CPLANE1: variants seen among roughly 807,000 people sequenced by gnomAD.
CPLANE1 encodes ciliogenesis and planar polarity effector 1.
CPLANE1 carries 263 observed loss-of-function variants against 362.5 expected under a neutral mutation model. The observed-to-expected ratio is 0.73, with a 90% CI of 0.66 to 0.80. The LOEUF (loss-of-function observed/expected upper bound fraction) is 0.80. Ranked by LOEUF, CPLANE1 falls within the 30% of genes least tolerant of loss-of-function variation. The pLI is 0.00. For missense variants in CPLANE1, 3,461 were observed against 3,793.4 expected, an observed-to-expected ratio of 0.91 and a Z score of 2.30; for synonymous variants, 1,212 against 1,302.6, an observed-to-expected ratio of 0.93 and a Z score of 1.50.
In CPLANE1 at chr5:37,245,697, A is replaced by G. The variant is rs1344173539; in HGVS notation, c.217+13T>C. On this transcript the variant is annotated intron_variant, in intron 3 of 52. Coordinates refer to ENST00000651892, the MANE Select transcript of CPLANE1 (RefSeq NM_001384732.1). ...ATAGTTTTAGCCATTTGAAAATATC[A>G]GTACTACTTAACCATTACTGGATGT... 5 of 1,488,938 alleles carry G rather than the reference A, an allele frequency of 3.4e-6. No individual in the cohort carries two copies. The East Asian group carries it at 1.0e-4, about 30-fold the overall frequency. The allele number at this position is 1,488,938 out of a possible 1,614,324, so 92.2% of individuals were successfully genotyped here. A position where few individuals can be genotyped will look rare whatever the true frequency, so the allele number is the denominator to read the frequency against.
the CPLANE1 span, among the ~76,000 whole-genome samples, chr5:37,076,196 G>A: frequency 2.6e-5 from 4 of 151,284 alleles, no homozygotes; most frequent in Non-Finnish European, 5.9e-5. Flanking sequence ...AGAGGCTGCA[G>A]TGGGCAATGA....
chr5:37,165,554 G>T lies in CPLANE1; in HGVS notation c.7518C>A (p.Ile2506=), dbSNP rs778849034. 2 of 1,608,288 alleles carry T rather than the reference G, an allele frequency of 1.2e-6. No homozygotes were observed. The highest frequency in any genetic ancestry group is 1.7e-6 in the Non-Finnish European group (2 of 1,178,626). The change falls in exon 36 of 53, where the codon ATC becomes ATA. Residue 2506 remains isoleucine (I), a synonymous_variant. Coordinates refer to ENST00000651892, the MANE Select transcript of CPLANE1 (RefSeq NM_001384732.1). ...NSIINNDDSE[I]IKKPKEQQEH... ...TTTTCTATACCTTGGGTTTCTTAAT[G>T]ATTTCTGAATCATCATTATTAATTA...
At chr5:37,120,384 A>C (rs755075962) in intron 49 of CPLANE1, 44 bp from the exon 50 acceptor site, 1 of 1,506,554 alleles carries the variant, frequency 6.6e-7, no homozygotes, top group South Asian at 1.3e-5. Flanking sequence ...AGAATCTCAT[A>C]TCAGCGATAA....
At chr5:37,147,955 G>A (rs1362160963) in intron 43 of CPLANE1, among the ~76,000 whole-genome samples, 2 of 113,872 alleles carry the variant, frequency 1.8e-5, no homozygotes, top group African/African-American at 6.7e-5. Context: ...AAATCCAGAG[G>A]AGGTTACTGC....
intron 42 of CPLANE1, among the ~76,000 whole-genome samples, chr5:37,151,437 G>C (rs1049857637): frequency 6.6e-6 from 1 of 152,034 alleles, no homozygotes; most frequent in Non-Finnish European, 1.5e-5. Context: ...TCTTTTATTA[G>C]ATTTTACACT....
chr5:37,141,872 T>C, intron 44 of CPLANE1: 1 of 784,684 alleles, frequency 1.3e-6, no homozygotes, highest in Non-Finnish European at 1.5e-6. Flanking sequence ...GAGATAATAA[T>C]AGTGTCTACA....
At chr5:37,194,768 C>G (rs554106971) in intron 21 of CPLANE1, among the ~76,000 whole-genome samples, 1 of 151,598 alleles carries the variant, frequency 6.6e-6, no homozygotes, top group East Asian at 1.9e-4. Context: ...CTCCTAGGCT[C>G]AAGCAACCTC....
In CPLANE1 at chr5:37,125,240, T is replaced by G. The variant is rs199810663; in HGVS notation, c.8958+4A>C. 5,013 of 1,610,100 alleles carry G rather than the reference T, an allele frequency of 3.1e-3. 12 individuals are homozygous for G. The highest frequency in any genetic ancestry group is 5.8e-3 in the Middle Eastern group (35 of 6,048). On this transcript the variant is annotated splice_donor_region_variant and intron_variant, in intron 47 of 52. Coordinates refer to ENST00000651892, the MANE Select transcript of CPLANE1 (RefSeq NM_001384732.1). ...TTCCATTACCCTTGACATGGCAGAC[T>G]TACTGGATTGCTTCTGGGACAGAAA...
chr5:37,214,789 C>T lies in CPLANE1; in HGVS notation c.2747-1057G>A, dbSNP rs536170884. The stretch of plus-strand genomic sequence containing the variant: ...CACAATTCTTGTGTAGTTCTCATCA[C>T]GTTTAGTGCAGTACCATAAACCTTG... On this transcript the variant is annotated intron_variant, in intron 15 of 52. Coordinates refer to ENST00000651892, the MANE Select transcript of CPLANE1 (RefSeq NM_001384732.1). Among the ~76,000 whole-genome samples the T allele has an allele frequency of 3.3e-5, 5 of 152,208 alleles. No individual in the cohort carries two copies. In the South Asian group the frequency reaches 8.3e-4, roughly 25 times the overall value.
intron 51 of CPLANE1, among the ~76,000 whole-genome samples, chr5:37,110,610 C>T (rs1758892415): frequency 6.6e-6 from 1 of 152,084 alleles, no homozygotes; most frequent in South Asian, 2.1e-4. Flanking sequence ...CTGTGTTGTT[C>T]ATGAGTAACA....
At chr5:37,183,842 A>G (rs2151161327) in intron 25 of CPLANE1, 143 bp from the exon 26 acceptor site, 1 of 599,622 alleles carries the variant, frequency 1.7e-6, no homozygotes, top group Non-Finnish European at 2.8e-6. Context: ...CAAATGAGGG[A>G]GTGGGACTAA....
In CPLANE1 at chr5:37,106,772, T is replaced by C; in HGVS notation, c.*830A>G. ...TGGAAAAAGAGGGGTATTTAATAGC[T>C]TTTTCAGATGATAGTGTGCTTTTAT... On this transcript the variant is annotated 3_prime_UTR_variant, in exon 53 of 53. Coordinates refer to ENST00000651892, the MANE Select transcript of CPLANE1 (RefSeq NM_001384732.1). The C allele has an allele frequency of 1.1e-6, 1 of 885,742 alleles. No individual in the cohort carries two copies. The highest frequency in any genetic ancestry group is 1.4e-6 in the Non-Finnish European group (1 of 739,150). The allele number at this position is 885,742 out of a possible 1,614,324, so 54.9% of individuals were successfully genotyped here.
At chr5:37,165,055 A>G (rs1049089645) in intron 36 of CPLANE1, among the ~76,000 whole-genome samples, 1 of 152,190 alleles carries the variant, frequency 6.6e-6, no homozygotes, top group Admixed American at 6.5e-5. Context: ...GCAGTGAGCT[A>G]TATTTATGCC....
chr5:37,221,608 T>C (rs1795369952), intron 14 of CPLANE1, 120 bp from the exon 15 acceptor site: 2 of 545,382 alleles, frequency 3.7e-6, no homozygotes, highest in Admixed American at 8.7e-5. Flanking sequence ...ACTCATGATA[T>C]GTAAACTTTT....
the CPLANE1 span, among the ~76,000 whole-genome samples, chr5:37,094,964 C>A: frequency 6.6e-6 from 1 of 152,028 alleles, no homozygotes; most frequent in East Asian, 1.9e-4. Context: ...AAAAAAAAGT[C>A]CAGGACCAGA....
At chr5:37,198,946 A>G in intron 19 of CPLANE1, 80 bp from the exon 20 acceptor site, 1 of 1,350,416 alleles carries the variant, frequency 7.4e-7, no homozygotes, top group South Asian at 1.3e-5. Context: ...AAGATAGGCT[A>G]ATGAGCTGAG....
intron 30 of CPLANE1, 76 bp from the exon 31 acceptor site, chr5:37,176,062 C>G: frequency 1.1e-6 from 1 of 949,692 alleles, no homozygotes; most frequent in Non-Finnish European, 1.7e-6. Context: ...GATCTATGCT[C>G]AGCCATCTAA....
the CPLANE1 span, among the ~76,000 whole-genome samples, chr5:37,093,913 C>T: frequency 5.9e-5 from 9 of 151,766 alleles, no homozygotes; most frequent in South Asian, 1.9e-3. Context: ...GGGTAATTAA[C>T]AGGAATGTAG....
rs376364817 is a variant in CPLANE1 at position 37,224,232 on chromosome 5, T to TA, written c.2581+20dup. 918 of 1,507,264 alleles carry TA rather than the reference T, an allele frequency of 6.1e-4. 11 individuals are homozygous for TA. The South Asian group carries it at 0.011, about 18-fold the overall frequency. The allele number at this position is 1,507,264 out of a possible 1,614,324, so 93.4% of individuals were successfully genotyped here. ...GGAGTCCTGCTAATATTATGGCACA[T>TA]ATTTTTTAACACTCTCTTACCTTTC... On this transcript the variant is annotated intron_variant, in intron 14 of 52. Transcript: ENST00000651892.
Sources: allele counts gnomAD v4.1 joint callset (sites outside exome capture counted in the v4.1 genomes callset), GRCh38; gene constraint gnomAD v4.1.1; transcripts MANE v1.5; gene names NCBI Gene and HGNC (gene_info 2026-07-23, HGNC 2026-07-21).